PRKCH: variants seen among roughly 807,000 people sequenced by gnomAD.
PRKCH encodes the protein protein kinase C eta type.
A neutral mutation model predicts 82.5 loss-of-function variants in PRKCH; 28 were observed. That is an observed-to-expected ratio of 0.34 (90% CI 0.25 to 0.47). The LOEUF (loss-of-function observed/expected upper bound fraction) is 0.47. PRKCH is among the 20% of genes least tolerant of loss of function. PRKCH has a pLI of 1.00. For missense variants in PRKCH, 705 were observed against 881.8 expected, an observed-to-expected ratio of 0.80 and a Z score of 2.54; for synonymous variants, 322 against 327.4, an observed-to-expected ratio of 0.98 and a Z score of 0.18.
At chr14:61,511,922 G>T (rs1428943411) in intron 10 of PRKCH, among the ~76,000 whole-genome samples, 3 of 152,168 alleles carry the variant, frequency 2.0e-5, no homozygotes, top group African/African-American at 4.8e-5. Context: ...TGTAACTGCA[G>T]TTTTTATCTG....
chr14:61,434,251 A>G (rs1277465076), intron 2 of PRKCH, among the ~76,000 whole-genome samples: 1 of 152,212 alleles, frequency 6.6e-6, no homozygotes, highest in Non-Finnish European at 1.5e-5. Flanking sequence ...GTTGACAATA[A>G]TACCATTTTG....
chr14:61,396,272 C>T (rs532860258), intron 2 of PRKCH, among the ~76,000 whole-genome samples: 5 of 151,936 alleles, frequency 3.3e-5, no homozygotes, highest in South Asian at 2.1e-4. Context: ...TTAAATTGGA[C>T]GGTGGTCTGT....
At position 61,387,867 on chromosome 14, in the gene PRKCH, G is replaced by A. The variant is rs8014794; in HGVS notation, c.364-3358G>A. Among the ~76,000 whole-genome samples the A allele has an allele frequency of 1.4e-3, 219 of 152,242 alleles. 1 individual carries two copies. The highest frequency in any genetic ancestry group is 4.6e-3 in the African/African-American group (191 of 41,532). ...TTCTACTTTGAAATCCCTATTGTCC[G>A]CTGGGTGTGGTGGCTCATGCCTGTA... On this transcript the variant is annotated intron_variant, in intron 1 of 13. Transcript: ENST00000332981.
intron 1 of PRKCH, among the ~76,000 whole-genome samples, chr14:61,340,624 T>A (rs574434330): frequency 6.6e-6 from 1 of 151,892 alleles, no homozygotes; most frequent in Non-Finnish European, 1.5e-5. Flanking sequence ...AGAGGAGGAG[T>A]GCTGTGGCAC....
chr14:61,483,222 T>C (rs1886062195), intron 9 of PRKCH, among the ~76,000 whole-genome samples: 1 of 152,240 alleles, frequency 6.6e-6, no homozygotes, highest in Admixed American at 6.5e-5. Flanking sequence ...GTTTCCGGTG[T>C]GTGTATATCC....
At chr14:61,387,452 T>C (rs954099108) in intron 1 of PRKCH, among the ~76,000 whole-genome samples, 1 of 152,194 alleles carries the variant, frequency 6.6e-6, no homozygotes, top group Non-Finnish European at 1.5e-5. Context: ...CTAGAGACAG[T>C]GTCCACTGGA....
intron 2 of PRKCH, among the ~76,000 whole-genome samples, chr14:61,411,952 G>A (rs1882290524): frequency 6.6e-6 from 1 of 152,220 alleles, no homozygotes; most frequent in Non-Finnish European, 1.5e-5. Flanking sequence ...ATTGGGTAGA[G>A]TAGAGTACAT....
intron 9 of PRKCH, among the ~76,000 whole-genome samples, chr14:61,458,885 T>G (rs1884906548): frequency 1.3e-5 from 2 of 152,144 alleles, no homozygotes; most frequent in Admixed American, 6.5e-5. Context: ...CACCAGGCCC[T>G]TCCCCAACAT....
intron 1 of PRKCH, among the ~76,000 whole-genome samples, chr14:61,236,435 C>T (rs958971193): frequency 1.1e-4 from 16 of 151,914 alleles, no homozygotes; most frequent in Admixed American, 2.0e-4. Context: ...CTCCACCGGG[C>T]GCAGTAGCTC....
At chr14:61,454,217 C>A (rs1884654324) in intron 7 of PRKCH, among the ~76,000 whole-genome samples, 1 of 151,998 alleles carries the variant, frequency 6.6e-6, no homozygotes, top group African/African-American at 2.4e-5. Flanking sequence ...AATTCTCCTG[C>A]CTCAGCCTCC....
rs115476515 is a variant in PRKCH at position 61,381,765 on chromosome 14, A to G, written c.364-9460A>G. Among the ~76,000 whole-genome samples, 1,184 of 152,342 alleles carry G rather than the reference A, an allele frequency of 7.8e-3. 22 individuals carry two copies. Among genetic ancestry groups the G allele is most frequent in the South Asian group, 0.06 (292 of 4,832 alleles). The stretch of plus-strand genomic sequence containing the variant: ...TGAGGCGAGAGCACCCTCAGGTGCT[A>G]GTGGCACGAGTCTTGCCCAGGCTCC... On this transcript the variant is annotated intron_variant, in intron 1 of 13. Coordinates refer to ENST00000332981, the MANE Select transcript of PRKCH (RefSeq NM_006255.5).
chr14:61,214,090 C>T (rs1028129975), intron 1 of PRKCH, among the ~76,000 whole-genome samples: 3 of 152,208 alleles, frequency 2.0e-5, no homozygotes, highest in African/African-American at 7.2e-5. Flanking sequence ...GAGCTCAAAG[C>T]AGCCCACGTG....
At position 61,512,849 on chromosome 14, in the gene PRKCH, A is replaced by G. The variant is rs74874960; in HGVS notation, c.1434-16226A>G. ...TTTGTTTGTTCATTTATTTGGAGAC[A>G]TGGATCCTGTTCTGTCCCCCAGGCT... On this transcript the variant is annotated intron_variant, in intron 10 of 13. Transcript: ENST00000332981. 8.1e-3 allele frequency among the ~76,000 whole-genome samples: 1,230 copies of G among 152,178 alleles called. 16 individuals are homozygous for G. Among genetic ancestry groups the G allele is most frequent in the African/African-American group, 0.023 (938 of 41,460 alleles).
At chr14:61,263,847 T>TTTTGTGTG (rs1299610392) in intron 1 of PRKCH, among the ~76,000 whole-genome samples, 5 of 144,310 alleles carry the variant, frequency 3.5e-5, no homozygotes, top group East Asian at 4.1e-4. Flanking sequence ...AGTCAGAGTA[T>TTTTGTGTG]TGTGTGTGTG....
intron 10 of PRKCH, among the ~76,000 whole-genome samples, chr14:61,498,651 A>G (rs10459518): frequency 0.81 from 123,072 of 152,124 alleles, 50,121 homozygotes; most frequent in Middle Eastern, 0.89. Context: ...GGTGGCTGCC[A>G]TCTTGCTGTG....
intron 2 of PRKCH, among the ~76,000 whole-genome samples, chr14:61,416,173 A>G (rs2140239539): frequency 7.4e-6 from 1 of 135,880 alleles, no homozygotes; most frequent in Admixed American, 8.1e-5. Context: ...CCTCCCACCC[A>G]GCTTCCTGAG....
At chr14:61,490,607 G>A (rs944288618) in intron 10 of PRKCH, among the ~76,000 whole-genome samples, 2 of 152,102 alleles carry the variant, frequency 1.3e-5, no homozygotes, top group Admixed American at 6.6e-5. Flanking sequence ...CAAGTGATCC[G>A]TTTCCAAATG....
chr14:61,401,387 C>CT, intron 2 of PRKCH, among the ~76,000 whole-genome samples: 1 of 152,266 alleles, frequency 6.6e-6, no homozygotes, highest in Admixed American at 6.5e-5. Context: ...AGTGAAAAAA[C>CT]TAGGTGGTGG....
At chr14:61,406,430 G>A (rs542990786) in intron 2 of PRKCH, among the ~76,000 whole-genome samples, 2 of 145,048 alleles carry the variant, frequency 1.4e-5, no homozygotes, top group South Asian at 2.2e-4. Flanking sequence ...GATAAAATCA[G>A]GATGGGAATG....
Sources: gnomAD v4.1 joint callset for allele counts (sites outside exome capture counted in the v4.1 genomes callset) on GRCh38, gnomAD v4.1.1 for gene constraint, MANE v1.5 for transcripts, NCBI Gene and HGNC (gene_info 2026-07-23, HGNC 2026-07-21) for gene names.